Variants in CD200R1 observed in about 807,000 individuals in gnomAD.
CD200R1 encodes CD200 receptor 1.
Under a neutral mutation model 38.1 loss-of-function variants are expected in CD200R1, and 30 were observed. The ratio of observed to expected loss-of-function variants is 0.79; its 90% CI spans 0.59 to 1.07. CD200R1 has a LOEUF of 1.07. Among genes scored for constraint, CD200R1 ranks in the 50% least tolerant of loss-of-function variants. The pLI is 0.00. For missense variants in CD200R1, 372 were observed against 415.4 expected, an observed-to-expected ratio of 0.90 and a Z score of 0.91; for synonymous variants, 128 against 152.1, an observed-to-expected ratio of 0.84 and a Z score of 1.16.
At chr3:112,969,125 AC>A in intron 1 of CD200R1, among the ~76,000 whole-genome samples, 2 of 152,294 alleles carry the variant, frequency 1.3e-5, no homozygotes, top group Middle Eastern at 3.4e-3. Flanking sequence ...GAGAAAAAAA[AC>A]TTTTAACAAA....
At chr3:112,965,868 G>A (rs1316189217) in intron 1 of CD200R1, among the ~76,000 whole-genome samples, 1 of 152,194 alleles carries the variant, frequency 6.6e-6, no homozygotes, top group African/African-American at 2.4e-5. Context: ...TGGTCAGGCA[G>A]GATCCCAGAG....
chr3:112,965,024 T>C (rs1206976128), intron 1 of CD200R1, among the ~76,000 whole-genome samples: 1 of 152,208 alleles, frequency 6.6e-6, no homozygotes, highest in Non-Finnish European at 1.5e-5. Flanking sequence ...CTACCATTAT[T>C]ATAAGACCTT....
At chr3:112,957,856 T>C (rs1016350053) in intron 1 of CD200R1, among the ~76,000 whole-genome samples, 2 of 152,098 alleles carry the variant, frequency 1.3e-5, no homozygotes, top group African/African-American at 4.8e-5. Context: ...AATAAAAAGA[T>C]ATTAAAATGG....
intron 2 of CD200R1, among the ~76,000 whole-genome samples, chr3:112,944,950 A>C (rs1310696299): frequency 6.6e-6 from 1 of 152,206 alleles, no homozygotes; most frequent in Non-Finnish European, 1.5e-5. Context: ...ATTTGAAGTT[A>C]AAAACACAAT....
chr3:112,925,047 T>C, intron 6 of CD200R1, 38 bp downstream of exon 6: 1 of 1,217,298 alleles, frequency 8.2e-7, no homozygotes, highest in African/African-American at 1.5e-5. Context: ...TCTAGCCTAA[T>C]AAAGCTGAAG....
intron 5 of CD200R1, among the ~76,000 whole-genome samples, chr3:112,925,968 G>A (rs1412770422): frequency 2.0e-5 from 3 of 151,990 alleles, no homozygotes; most frequent in Non-Finnish European, 4.4e-5. Flanking sequence ...CCTTATATCA[G>A]GGTTTTGTTG....
At chr3:112,956,717 C>T (rs1941107750) in intron 1 of CD200R1, among the ~76,000 whole-genome samples, 1 of 152,162 alleles carries the variant, frequency 6.6e-6, no homozygotes, top group Non-Finnish European at 1.5e-5. Context: ...GATCCCTATG[C>T]CCCAGATCAC....
Position 112,933,542 on chromosome 3 carries a change from A to G in CD200R1, c.137-2371T>C, listed in dbSNP as rs547029400. On this transcript the variant is annotated intron_variant, in intron 2 of 7. Transcript: ENST00000308611. ...AGAAGAGGCGACAATTGCACCAGAT[A>G]TGTAGGTATCAACATAGAAACACAT... 2.0e-5 allele frequency among the ~76,000 whole-genome samples: 3 copies of G among 152,338 alleles called. No individual in the cohort carries two copies. The South Asian group carries it at 6.2e-4, about 32-fold the overall frequency.
At chr3:112,960,260 T>C (rs1273201493) in intron 1 of CD200R1, among the ~76,000 whole-genome samples, 1 of 152,034 alleles carries the variant, frequency 6.6e-6, no homozygotes, top group Non-Finnish European at 1.5e-5. Flanking sequence ...AATTAATGTT[T>C]GCCATTGTAA....
intron 2 of CD200R1, among the ~76,000 whole-genome samples, chr3:112,945,393 T>C (rs953703058): frequency 6.6e-6 from 1 of 152,066 alleles, no homozygotes; most frequent in Non-Finnish European, 1.5e-5. Context: ...TGAAACCAAA[T>C]AGAGAGCCCA....
chr3:112,933,132 T>C (rs1940491715), intron 2 of CD200R1, among the ~76,000 whole-genome samples: 1 of 151,798 alleles, frequency 6.6e-6, no homozygotes, highest in Admixed American at 6.6e-5. Flanking sequence ...GCCTAAGAAA[T>C]AATCTGGTGG....
At chr3:112,931,397 T>C (rs1439559372) in intron 2 of CD200R1, among the ~76,000 whole-genome samples, 2 of 152,204 alleles carry the variant, frequency 1.3e-5, no homozygotes, top group African/African-American at 2.4e-5. Context: ...AATTTCTCTT[T>C]CGTGATACAC....
chr3:112,924,426 T>C, intron 7 of CD200R1, 64 bp downstream of exon 7: 1 of 1,193,558 alleles, frequency 8.4e-7, no homozygotes, highest in Non-Finnish European at 1.1e-6. Flanking sequence ...AACTACAAAT[T>C]ATGTTGCTAG....
At chr3:112,937,261 G>A (rs750181420) in intron 2 of CD200R1, among the ~76,000 whole-genome samples, 1 of 152,108 alleles carries the variant, frequency 6.6e-6, no homozygotes, top group Non-Finnish European at 1.5e-5. Flanking sequence ...AACAGCATGA[G>A]AGTAACTGCC....
chr3:112,931,902 C>T (rs958550566), intron 2 of CD200R1, among the ~76,000 whole-genome samples: 1 of 152,080 alleles, frequency 6.6e-6, no homozygotes, highest in Non-Finnish European at 1.5e-5. Flanking sequence ...TCTGGCACCC[C>T]ATCCTTCCAC....
At chr3:112,929,847 G>C (rs1940383342) in intron 3 of CD200R1, among the ~76,000 whole-genome samples, 1 of 152,000 alleles carries the variant, frequency 6.6e-6, no homozygotes, top group Non-Finnish European at 1.5e-5. Flanking sequence ...TTAGGTGGTG[G>C]AGACTATTGC....
At position 112,928,936 on chromosome 3, in the gene CD200R1, T is replaced by C. The variant is rs34985808; in HGVS notation, c.649A>G (p.Ser217Gly). Reference protein sequence around the residue: ...GDCATKQEYWSNGTVTVKSTC... With the variant: ...GDCATKQEYWGNGTVTVKSTC... ...CTCTTAACAGTCACTGTGCCATTGC[T>C]CCAGTATTCTTGCTTAGTGGCACAA... Residue 217 changes from serine (S) to glycine (G), a missense_variant, in exon 5 of 8, where the codon AGC (serine) becomes GGC (glycine). Coordinates refer to ENST00000308611, the MANE Select transcript of CD200R1 (RefSeq NM_138806.4). The C allele has an allele frequency of 0.016, 25,115 of 1,613,966 alleles. 249 individuals are homozygous for C. The highest frequency in any genetic ancestry group is 0.019 in the Non-Finnish European group (22,084 of 1,179,948).
intron 2 of CD200R1, among the ~76,000 whole-genome samples, chr3:112,932,633 AATC>A (rs1298245514): frequency 1.3e-5 from 2 of 151,942 alleles, no homozygotes; most frequent in African/African-American, 4.8e-5. Flanking sequence ...CCCCATGACT[AATC>A]AGCAGCCCAC....
chr3:112,974,557 G>C (rs965594231), intron 1 of CD200R1, among the ~76,000 whole-genome samples: 2 of 152,144 alleles, frequency 1.3e-5, no homozygotes, highest in African/African-American at 4.8e-5. Flanking sequence ...GAAATGGACA[G>C]TAAGACAAAT....
Sources: gnomAD v4.1 joint callset for allele counts (sites outside exome capture counted in the v4.1 genomes callset) on GRCh38, gnomAD v4.1.1 for gene constraint, MANE v1.5 for transcripts, NCBI Gene and HGNC (gene_info 2026-07-23, HGNC 2026-07-21) for gene names.